TRIM33: variants seen among roughly 807,000 people sequenced by gnomAD.
TRIM33 encodes the protein tripartite motif containing 33, also known as E3 ubiquitin-protein ligase TRIM33.
A neutral mutation model predicts 125.4 loss-of-function variants in TRIM33; 20 were observed. The observed-to-expected ratio is 0.16, with a 90% CI of 0.11 to 0.23. The LOEUF is 0.23. Among genes scored for constraint, TRIM33 ranks in the 10% least tolerant of loss-of-function variants. TRIM33 has a pLI of 1.00. For synonymous variants in TRIM33, 564 were observed against 513.9 expected (o/e 1.10, Z -1.32); for missense variants, 920 against 1,411.4 (o/e 0.65, Z 5.58).
chr1:114,408,692 G>C lies in TRIM33; in HGVS notation c.2243C>G (p.Thr748Ser). 2 of 1,602,918 alleles carry C rather than the reference G, an allele frequency of 1.2e-6. No homozygotes were observed. Among genetic ancestry groups the C allele is most frequent in the Middle Eastern group, 2.1e-4 (1 of 4,796 alleles). ...ATATACTCACCTGCCTCGACTGCCA[G>C]TACTAGAAGTACTTGGGGGTCTCAC... ...TPVRPPSTSS[T>S]GSRGSCGSSG... Residue 748 changes from threonine (T) to serine (S), a missense_variant, in exon 13 of 20, where the codon ACT becomes AGT. Physicochemically the swap from Thr to Ser is moderately conservative, Grantham distance 58 (BLOSUM62 1). Transcript: ENST00000358465.
chr1:114,486,693 C>A (rs1295636110), intron 1 of TRIM33, among the ~76,000 whole-genome samples: 1 of 151,878 alleles, frequency 6.6e-6, no homozygotes, highest in Non-Finnish European at 1.5e-5. Context: ...AAACAGAACA[C>A]AGTCTCAAGA....
In TRIM33 at chr1:114,397,739, T is replaced by C; in HGVS notation, c.3293A>G (p.Asp1098Gly). ...ATCAGAGTCCTCAGTTACCTCACCATCATCCTCTTCCTGCTCAAACTCTGG... is the reference window on the plus strand; with the variant it reads ...ATCAGAGTCCTCAGTTACCTCACCACCATCCTCTTCCTGCTCAAACTCTGG... ...PLPEFEQEED[D>G]GEVTEDSDED... Residue 1098 changes from aspartate (D) to glycine (G), a missense_variant, in exon 20 of 20, where the codon GAT (aspartate) becomes GGT (glycine). Asp to Gly is a moderately conservative substitution (Grantham distance 94, BLOSUM62 -1). Transcript: ENST00000358465. 1 of 1,613,836 alleles carries C rather than the reference T, an allele frequency of 6.2e-7. No homozygotes were observed. The highest frequency in any genetic ancestry group is 8.5e-7 in the Non-Finnish European group (1 of 1,179,912).
chr1:114,399,652 G>T, intron 17 of TRIM33, 43 bp from the exon 18 acceptor site: 1 of 1,488,562 alleles, frequency 6.7e-7, no homozygotes, highest in Non-Finnish European at 9.1e-7. Context: ...CTCCAAAAAT[G>T]CCAAACTGTT....
intron 4 of TRIM33, among the ~76,000 whole-genome samples, chr1:114,452,703 G>A (rs1038245391): frequency 1.4e-5 from 2 of 144,992 alleles, no homozygotes; most frequent in African/African-American, 2.6e-5. Context: ...CAAGACCCGG[G>A]CAACATGGCA....
At position 114,401,367 on chromosome 1, in the gene TRIM33, GCTA is replaced by G. The variant is rs758957525; in HGVS notation, c.2967+19_2967+21del. 4 of 1,602,224 alleles carry G rather than the reference GCTA, an allele frequency of 2.5e-6. No individual in the cohort carries two copies. The South Asian group carries it at 3.3e-5, about 13-fold the overall frequency. ...AAGTATTATGAGACTTCCCCACCGA[GCTA>G]CTAAGGTAGGCAACTCACCGAAGCA... On this transcript the variant is annotated intron_variant, in intron 17 of 19. Coordinates refer to ENST00000358465, the MANE Select transcript of TRIM33 (RefSeq NM_015906.4).
chr1:114,410,273 C>A lies in TRIM33; in HGVS notation c.2105G>T (p.Arg702Ile). 1.2e-6 allele frequency: 2 copies of A among 1,613,886 alleles called. No homozygotes were observed. The highest frequency in any genetic ancestry group is 1.7e-6 in the Non-Finnish European group (2 of 1,179,946). Residue 702 changes from arginine (R) to isoleucine (I), a missense_variant, in exon 12 of 20, where the codon AGA becomes ATA. Arg to Ile is a moderately conservative substitution (Grantham distance 97, BLOSUM62 -3). Coordinates refer to ENST00000358465, the MANE Select transcript of TRIM33 (RefSeq NM_015906.4). ...GGGTAGGTGACTGCCTGAGATGTAT[C>A]TACTTAGTAGATTATCTAAACTACT... The part of the protein sequence containing the change: ...GSSSLDNLLS[R>I]YISGSHLPPQ...
rs576211960 is a variant in TRIM33 at position 114,449,688 on chromosome 1, G to A, written c.923+13416C>T. On this transcript the variant is annotated intron_variant, in intron 4 of 19. Coordinates refer to ENST00000358465, the MANE Select transcript of TRIM33 (RefSeq NM_015906.4). ...TCTTAAAAGTGACTATTCATTTCAG[G>A]AGAAATAAATACATTTCTCCAAAAT... 2.6e-5 allele frequency among the ~76,000 whole-genome samples: 4 copies of A among 152,136 alleles called. No homozygotes were observed. The South Asian group carries it at 8.3e-4, about 32-fold the overall frequency.
intron 1 of TRIM33, among the ~76,000 whole-genome samples, chr1:114,482,825 T>G (rs189126186): frequency 6.6e-6 from 1 of 152,292 alleles, no homozygotes; most frequent in Admixed American, 6.5e-5. Flanking sequence ...TTAACTTCCC[T>G]TTCACTTTCT....
intron 1 of TRIM33, among the ~76,000 whole-genome samples, chr1:114,494,119 C>T (rs1013968286): frequency 5.0e-5 from 7 of 139,916 alleles, no homozygotes; most frequent in South Asian, 2.3e-4. Flanking sequence ...CACTGCACCC[C>T]GCCATTTTTT....
At chr1:114,471,598 TAAAC>T (rs1385775437) in intron 1 of TRIM33, among the ~76,000 whole-genome samples, 5 of 151,540 alleles carry the variant, frequency 3.3e-5, no homozygotes, top group Admixed American at 1.3e-4. Context: ...AAGAAAAGGA[TAAAC>T]AAACATACAG....
intron 6 of TRIM33, among the ~76,000 whole-genome samples, chr1:114,429,187 G>C (rs971213198): frequency 4.7e-5 from 7 of 149,214 alleles, no homozygotes; most frequent in Admixed American, 2.7e-4. Flanking sequence ...CTGCACAAGA[G>C]TACTTTTTTT....
chr1:114,413,317 A>T (rs1468385272), intron 11 of TRIM33, among the ~76,000 whole-genome samples: 1 of 152,114 alleles, frequency 6.6e-6, no homozygotes, highest in East Asian at 1.9e-4. Context: ...CCAGCACTTT[A>T]GGAGGCCGAG....
intron 4 of TRIM33, among the ~76,000 whole-genome samples, chr1:114,446,696 A>C (rs560192532): frequency 1.2e-4 from 19 of 152,340 alleles, no homozygotes; most frequent in African/African-American, 4.3e-4. Flanking sequence ...ACAAATACTA[A>C]ATGGTAGATT....
At position 114,401,376 on chromosome 1, in the gene TRIM33, G is replaced by GT. The variant is rs780595604; in HGVS notation, c.2967+12dup. On this transcript the variant is annotated intron_variant, in intron 17 of 19. Transcript: ENST00000358465. The stretch of plus-strand genomic sequence containing the variant: ...GAGACTTCCCCACCGAGCTACTAAG[G>GT]TAGGCAACTCACCGAAGCAGGAACA... The GT allele has an allele frequency of 1.2e-6, 2 of 1,609,924 alleles. No individual in the cohort carries two copies. The highest frequency in any genetic ancestry group is 1.7e-6 in the Non-Finnish European group (2 of 1,177,112).
At chr1:114,487,108 TG>T (rs1261020166) in intron 1 of TRIM33, among the ~76,000 whole-genome samples, 30 of 151,146 alleles carry the variant, frequency 2.0e-4, no homozygotes, top group Non-Finnish European at 3.7e-4. Flanking sequence ...AAAAATTACT[TG>T]AACAAATAAT....
chr1:114,418,712 G>GATATCTTTTGAGGTTTCTCGC (rs1653086543), intron 11 of TRIM33, among the ~76,000 whole-genome samples: 1 of 152,032 alleles, frequency 6.6e-6, no homozygotes, highest in Admixed American at 6.5e-5. Context: ...GGCCTTTTTA[G>GATATCTTTTGAGGTTTCTCGC]ATATCTTTTG....
intron 4 of TRIM33, among the ~76,000 whole-genome samples, chr1:114,435,173 A>G (rs1450518048): frequency 6.6e-6 from 1 of 152,224 alleles, no homozygotes; most frequent in African/African-American, 2.4e-5. Flanking sequence ...ACAGAAATAT[A>G]AAAGACCCAA....
At chr1:114,495,500 A>G (rs1652319292) in intron 1 of TRIM33, among the ~76,000 whole-genome samples, 1 of 152,224 alleles carries the variant, frequency 6.6e-6, no homozygotes, top group Non-Finnish European at 1.5e-5. Flanking sequence ...TTTATAGGCA[A>G]ATAAGATAAC....
At chr1:114,431,806 G>GT (rs1420480718) in intron 5 of TRIM33, among the ~76,000 whole-genome samples, 1 of 152,068 alleles carries the variant, frequency 6.6e-6, no homozygotes, top group Admixed American at 6.6e-5. Context: ...AAAATTTTGA[G>GT]TTTTGTCCTT....
Sources: allele counts gnomAD v4.1 joint callset (sites outside exome capture counted in the v4.1 genomes callset), GRCh38; gene constraint gnomAD v4.1.1; transcripts MANE v1.5; gene names NCBI Gene and HGNC (gene_info 2026-07-23, HGNC 2026-07-21).